The following PRKAA2 variants were observed in gnomAD, a reference collection of about 807,000 sequenced individuals.
The protein encoded by PRKAA2 is protein kinase AMP-activated catalytic subunit alpha 2.
In PRKAA2, 40 loss-of-function variants were observed where a neutral mutation model predicts 56.3. The observed-to-expected ratio is 0.71, with a 90% CI of 0.55 to 0.92. The LOEUF (loss-of-function observed/expected upper bound fraction) is 0.92, where lower values mean the gene tolerates loss of function less well. PRKAA2 is among the 40% of genes least tolerant of loss of function. The pLI is 0.00. For synonymous variants in PRKAA2, 214 were observed against 234.2 expected (o/e 0.91, Z 0.79); for missense variants, 542 against 686.9 (o/e 0.79, Z 2.36).
At position 56,706,029 on chromosome 1, in the gene PRKAA2, C is replaced by T. The variant is rs137920483; in HGVS notation, c.1294-63C>T. ...CACCCCTATTAATTATTTGTTTTGA[C>T]TTTTTTTGCATAAAAAGGTAGATAT... is the stretch of plus-strand genomic sequence containing the variant. On this transcript the variant is annotated intron_variant, in intron 7 of 8. Coordinates refer to ENST00000371244, the MANE Select transcript of PRKAA2 (RefSeq NM_006252.4). 3.7e-5 allele frequency: 53 copies of T among 1,439,144 alleles called. No homozygotes were observed. In the African/African-American group the frequency reaches 6.7e-4, roughly 18 times the overall value. 89.1% of individuals were successfully genotyped at this position (1,439,144 alleles called of 1,614,324 possible). A position where few individuals can be genotyped will look rare whatever the true frequency, so the allele number is the denominator to read the frequency against.
At chr1:56,706,332 G>T in intron 8 of PRKAA2, 114 bp downstream of exon 8, 1 of 1,284,152 alleles carries the variant, frequency 7.8e-7, no homozygotes, top group South Asian at 1.6e-5. Flanking sequence ...TGGTTTTTAA[G>T]CAATCTAGAC....
In PRKAA2 at chr1:56,712,207, T is replaced by TA. The variant is rs1017729725; in HGVS notation, c.*4495dup. On this transcript the variant is annotated 3_prime_UTR_variant, in exon 9 of 9. Coordinates refer to ENST00000371244, the MANE Select transcript of PRKAA2 (RefSeq NM_006252.4). The stretch of plus-strand genomic sequence containing the variant: ...AGCTCTTCATAAAGCTTTAACACCA[T>TA]ACAAGTATCCAGCAGTGATCAATTG... 1 of 152,178 alleles carries TA rather than the reference T, an allele frequency of 6.6e-6. No individual in the cohort carries two copies. The highest frequency in any genetic ancestry group is 1.5e-5 in the Non-Finnish European group (1 of 68,026). The allele number at this position is 152,178 out of a possible 1,614,324, so 9.4% of individuals were successfully genotyped here. A position where few individuals can be genotyped will look rare whatever the true frequency, so the allele number is the denominator to read the frequency against.
chr1:56,665,531 G>T (rs1234316013), intron 1 of PRKAA2, among the ~76,000 whole-genome samples: 1 of 152,138 alleles, frequency 6.6e-6, no homozygotes, highest in Admixed American at 6.5e-5. Context: ...ATTTCTGTTG[G>T]TTATAATACT....
At chr1:56,663,417 C>T (rs1167327475) in intron 1 of PRKAA2, among the ~76,000 whole-genome samples, 1 of 152,220 alleles carries the variant, frequency 6.6e-6, no homozygotes, top group Non-Finnish European at 1.5e-5. Flanking sequence ...GTCCACTGTA[C>T]TTTAACTGGA....
intron 3 of PRKAA2, among the ~76,000 whole-genome samples, chr1:56,692,028 A>ACT (rs1400990910): frequency 2.0e-4 from 23 of 112,802 alleles, no homozygotes; most frequent in Non-Finnish European, 3.7e-4. Context: ...GATGTCTCAG[A>ACT]TTTTTTTTTT....
intron 7 of PRKAA2, 52 bp downstream of exon 7, chr1:56,704,527 T>C (rs773058874): frequency 6.6e-6 from 10 of 1,523,610 alleles, no homozygotes; most frequent in South Asian, 2.6e-5. Flanking sequence ...TTTTCTATAT[T>C]ATAAGCTGCT....
intron 2 of PRKAA2, among the ~76,000 whole-genome samples, chr1:56,684,976 A>C (rs1184537131): frequency 1.3e-5 from 2 of 152,208 alleles, no homozygotes; most frequent in Non-Finnish European, 2.9e-5. Flanking sequence ...ATAGAAGCCA[A>C]GTCCCTTCGT....
At chr1:56,695,174 A>G (rs962063352) in intron 5 of PRKAA2, among the ~76,000 whole-genome samples, 47 of 131,694 alleles carry the variant, frequency 3.6e-4, no homozygotes, top group African/African-American at 1.3e-3. Flanking sequence ...CTCTATATAT[A>G]TGATATATTA....
At chr1:56,706,051 A>G (rs1293851197) in intron 7 of PRKAA2, 41 bp from the exon 8 acceptor site, 1 of 1,538,666 alleles carries the variant, frequency 6.5e-7, no homozygotes, top group South Asian at 1.2e-5. Flanking sequence ...AAAAAGGTAG[A>G]TATTTTGTAG....
intron 6 of PRKAA2, among the ~76,000 whole-genome samples, chr1:56,699,079 A>G (rs1240111055): frequency 1.3e-5 from 2 of 152,308 alleles, no homozygotes; most frequent in East Asian, 1.9e-4. Context: ...GTAGTCATAG[A>G]TCAAACCTTG....
At chr1:56,674,725 A>AT (rs1644101852) in intron 2 of PRKAA2, among the ~76,000 whole-genome samples, 1 of 151,614 alleles carries the variant, frequency 6.6e-6, no homozygotes, top group African/African-American at 2.4e-5. Flanking sequence ...TTTCTAAATT[A>AT]GTACTCAATT....
At position 56,672,427 on chromosome 1, in the gene PRKAA2, G is replaced by A. The variant is rs569533357; in HGVS notation, c.95-1954G>A. Among the ~76,000 whole-genome samples, 84 of 152,138 alleles carry A rather than the reference G, an allele frequency of 5.5e-4. No individual in the cohort carries two copies. In the South Asian group the frequency reaches 7.7e-3, roughly 14 times the overall value. On this transcript the variant is annotated intron_variant, in intron 1 of 8. Transcript: ENST00000371244. ...CTGTCATGCTTGGCCCTTGAATTTA[G>A]TTTTGAATGTGTTGAACTTGAGTTA...
intron 1 of PRKAA2, among the ~76,000 whole-genome samples, chr1:56,652,016 T>C (rs1643902672): frequency 6.7e-6 from 1 of 148,772 alleles, no homozygotes; most frequent in African/African-American, 2.5e-5. Context: ...TAATTTTTTT[T>C]TTTTTTTTTT....
intron 6 of PRKAA2, among the ~76,000 whole-genome samples, chr1:56,701,352 G>A (rs186084305): frequency 3.9e-5 from 6 of 151,908 alleles, no homozygotes; most frequent in Admixed American, 1.3e-4. Context: ...CCAAGATTGC[G>A]CTACTGCACT....
intron 6 of PRKAA2, among the ~76,000 whole-genome samples, chr1:56,696,581 A>G (rs1328760186): frequency 6.6e-6 from 1 of 152,064 alleles, no homozygotes; most frequent in East Asian, 1.9e-4. Flanking sequence ...AGTGTGTCTT[A>G]TTCATCTTTG....
intron 8 of PRKAA2, among the ~76,000 whole-genome samples, chr1:56,707,117 T>C (rs767458618): frequency 1.2e-4 from 19 of 152,144 alleles, no homozygotes; most frequent in Non-Finnish European, 2.4e-4. Flanking sequence ...GTGACTTTTG[T>C]TTTTACCTTA....
intron 2 of PRKAA2, among the ~76,000 whole-genome samples, chr1:56,689,259 A>T (rs1644211674): frequency 6.6e-6 from 1 of 152,242 alleles, no homozygotes; most frequent in Non-Finnish European, 1.5e-5. Context: ...TGGTGCTTGT[A>T]AAGATAGCTT....
At chr1:56,668,620 TA>T (rs567900408) in intron 1 of PRKAA2, among the ~76,000 whole-genome samples, 228 of 152,220 alleles carry the variant, frequency 1.5e-3, no homozygotes, top group African/African-American at 5.3e-3. Flanking sequence ...CCCAAATAAT[TA>T]TTTTTTAATT....
At chr1:56,707,300 T>C (rs1308841265) in intron 8 of PRKAA2, among the ~76,000 whole-genome samples, 175 bp from the exon 9 acceptor site, 1 of 152,184 alleles carries the variant, frequency 6.6e-6, no homozygotes, top group Admixed American at 6.5e-5. Context: ...GCGATGTTTG[T>C]TATGATTGTT....
Sources: allele counts gnomAD v4.1 joint callset (sites outside exome capture counted in the v4.1 genomes callset), GRCh38; gene constraint gnomAD v4.1.1; transcripts MANE v1.5; gene names NCBI Gene and HGNC (gene_info 2026-07-23, HGNC 2026-07-21).